ASPM: variants seen among roughly 807,000 people sequenced by gnomAD.
The protein encoded by ASPM is assembly factor for spindle microtubules.
ASPM carries 256 observed loss-of-function variants against 366.4 expected under a neutral mutation model. That is an observed-to-expected ratio of 0.70 (90% CI 0.63 to 0.77). ASPM has a LOEUF of 0.77. Ranked by LOEUF, ASPM falls within the 30% of genes least tolerant of loss-of-function variation. ASPM has a pLI of 0.00. For missense variants in ASPM, 4,146 were observed against 4,090.4 expected (o/e 1.01, Z -0.37); for synonymous variants, 1,414 against 1,342.9 (o/e 1.05, Z -1.16).
chr1:197,106,446 A>G (rs921469271), intron 17 of ASPM, among the ~76,000 whole-genome samples: 1 of 152,128 alleles, frequency 6.6e-6, no homozygotes, highest in South Asian at 2.1e-4. Context: ...AGAAATTCAG[A>G]TATTATTTTT....
Position 197,121,919 on chromosome 1 carries a change from T to C in ASPM, c.3866A>G (p.His1289Arg). Residue 1289 changes from histidine (H) to arginine (R), a missense_variant, in exon 16 of 28, where the codon CAT becomes CGT. His to Arg is a conservative substitution (Grantham distance 29). Around this residue, in one of 3 missense-constraint regions of ASPM, gnomAD observed 3,624 missense variants for 3,591.7 expected, o/e 1.01. Transcript: ENST00000367409. ...AGTTTCATATTCTAGGAGTACCTGA[T>C]GGCGTTTGAGATCTGTTTTTAGTTT... ...KYKLKTDLKR[H>R]QEREKAARII... 4 of 1,608,104 alleles carry C rather than the reference T, an allele frequency of 2.5e-6. No homozygotes were observed. Among genetic ancestry groups the C allele is most frequent in the Non-Finnish European group, 3.4e-6 (4 of 1,175,220 alleles).
At chr1:197,119,948 T>C (rs1657853158) in intron 16 of ASPM, among the ~76,000 whole-genome samples, 1 of 152,100 alleles carries the variant, frequency 6.6e-6, no homozygotes, top group African/African-American at 2.4e-5. Context: ...GTTTAGTAGC[T>C]TGCAATAACA....
intron 27 of ASPM, among the ~76,000 whole-genome samples, chr1:197,085,115 G>GTC (rs1656546852): frequency 6.6e-6 from 1 of 152,102 alleles, no homozygotes; most frequent in Non-Finnish European, 1.5e-5. Flanking sequence ...ATTAACTGTT[G>GTC]TCTCTCTCTC....
At chr1:197,131,702 G>A (rs1196408271) in intron 7 of ASPM, among the ~76,000 whole-genome samples, 2 of 152,030 alleles carry the variant, frequency 1.3e-5, no homozygotes, top group East Asian at 1.9e-4. Context: ...GGGACTACAC[G>A]CGCCCACCAT....
intron 8 of ASPM, 138 bp from the exon 9 acceptor site, chr1:197,129,455 CT>C: frequency 2.2e-6 from 2 of 889,282 alleles, no homozygotes; most frequent in Non-Finnish European, 3.5e-6. Context: ...CACTATGTGC[CT>C]TTTTTAGTGC....
rs200200720 is a variant in ASPM at position 197,100,841 on chromosome 1, C to G, written c.8410G>C (p.Ala2804Pro). 6.2e-7 allele frequency: 1 copy of G among 1,612,588 alleles called. No individual in the cohort carries two copies. The highest frequency in any genetic ancestry group is 1.3e-5 in the African/African-American group (1 of 74,900). ...TGATACTCTGCTTCCTGTGAACAAG[C>G]AAGGCCAGAAGCTTTATACCACTCT... ...IQEWYKASGL[A>P]CSQEAEYHSQ... The change falls in exon 18 of 28, where the codon GCT becomes CCT. Residue 2804 changes from alanine (A) to proline (P), a missense_variant. Physicochemically the swap from Ala to Pro is conservative, Grantham distance 27. Transcript: ENST00000367409.
intron 19 of ASPM, among the ~76,000 whole-genome samples, chr1:197,094,382 T>C (rs1351465918): frequency 2.0e-5 from 3 of 151,780 alleles, no homozygotes; most frequent in African/African-American, 7.3e-5. Flanking sequence ...AGTTTTACAA[T>C]TGGCAATATT....
intron 19 of ASPM, 34 bp from the exon 20 acceptor site, chr1:197,094,214 T>C (rs1044645523): frequency 6.8e-6 from 9 of 1,315,118 alleles, no homozygotes; most frequent in Admixed American, 1.8e-5. Context: ...AATGTCAAAT[T>C]ACTTTAACTT....
intron 9 of ASPM, 24 bp from the exon 10 acceptor site, chr1:197,128,689 A>G (rs1446929410): frequency 2.6e-6 from 4 of 1,539,772 alleles, no homozygotes; most frequent in East Asian, 2.4e-5. Context: ...AGTTCCAGAT[A>G]TTATATTCCA....
chr1:197,145,427 G>A (rs1168197995), intron 1 of ASPM, among the ~76,000 whole-genome samples: 1 of 152,018 alleles, frequency 6.6e-6, no homozygotes, highest in African/African-American at 2.4e-5. Flanking sequence ...AAATACTAAA[G>A]TGTGCATACA....
At position 197,126,413 on chromosome 1, in the gene ASPM, C is replaced by T. The variant is rs1429663032; in HGVS notation, c.2937-1222G>A. Among the ~76,000 whole-genome samples, 2 of 134,024 alleles carry T rather than the reference C, an allele frequency of 1.5e-5. 1 individual carries two copies. The highest frequency in any genetic ancestry group is 5.8e-5 in the African/African-American group (2 of 34,616). 87.9% of individuals were successfully genotyped at this position (134,024 alleles called of 152,430 possible). On this transcript the variant is annotated intron_variant, in intron 10 of 27. Transcript: ENST00000367409. ...CGAGATCGTGCCACTGCACGCCAGCCTGGGTGACAGAGTGAGACTCTGTCT... is the reference window on the plus strand; with the variant it reads ...CGAGATCGTGCCACTGCACGCCAGCTTGGGTGACAGAGTGAGACTCTGTCT...
intron 10 of ASPM, 44 bp from the exon 11 acceptor site, chr1:197,125,235 A>T: frequency 6.2e-7 from 1 of 1,604,296 alleles, no homozygotes; most frequent in South Asian, 1.1e-5. Context: ...ATAAAAACGT[A>T]TATGAAAAAA....
chr1:197,105,217 A>G lies in ASPM; in HGVS notation c.4066-32T>C, dbSNP rs143351980. ...AAGGTAAGAAAGGACACAAAGTAAA[A>G]TAGGCATAGCTTTCTATATTTAACA... On this transcript the variant is annotated intron_variant, in intron 17 of 27. Transcript: ENST00000367409. 497 of 1,506,304 alleles carry G rather than the reference A, an allele frequency of 3.3e-4. 4 individuals are homozygous for G. In the East Asian group the frequency reaches 9.4e-3, roughly 28 times the overall value. The allele number at this position is 1,506,304 out of a possible 1,614,324, so 93.3% of individuals were successfully genotyped here.
At chr1:197,127,461 G>A (rs1056208354) in intron 10 of ASPM, among the ~76,000 whole-genome samples, 4 of 152,088 alleles carry the variant, frequency 2.6e-5, no homozygotes, top group African/African-American at 9.7e-5. Context: ...AATACACAGA[G>A]AAAAAAACTT....
chr1:197,133,211 T>A (rs1440231854), intron 6 of ASPM, 139 bp downstream of exon 6: 1 of 812,354 alleles, frequency 1.2e-6, no homozygotes, highest in Non-Finnish European at 1.9e-6. Context: ...TATATACATA[T>A]ATCAACATCA....
chr1:197,101,584 G>T lies in ASPM; in HGVS notation c.7667C>A (p.Ala2556Asp). ...GTAGGTGCTTTGTATTACGATAGAAGCTTTGTGTTTTTCCCTTAAAAGTTG... is the reference window on the plus strand; with the variant it reads ...GTAGGTGCTTTGTATTACGATAGAATCTTTGTGTTTTTCCCTTAAAAGTTG... ...ARQLLREKHK[A>D]SIVIQSTYRM... Residue 2556 changes from alanine to aspartate, a missense_variant, in exon 18 of 28, where the codon GCT (alanine) becomes GAT (aspartate). This residue lies in a region of ASPM where 3,624 missense variants were observed against 3,591.7 expected (regional missense o/e 1.01). Transcript: ENST00000367409. The T allele has an allele frequency of 6.2e-7, 1 of 1,609,700 alleles. No homozygotes were observed.
Position 197,122,388 on chromosome 1 carries a change from C to A in ASPM, c.3598G>T (p.Glu1200Ter). The A allele has an allele frequency of 6.2e-7, 1 of 1,613,630 alleles. No individual in the cohort carries two copies. The highest frequency in any genetic ancestry group is 8.5e-7 in the Non-Finnish European group (1 of 1,179,684). The change falls in exon 14 of 28, where the codon GAA (glutamate) becomes TAA (stop). Residue 1200 changes from glutamate (E) to a stop codon, truncating the protein, a stop_gained and splice_region_variant. Transcript: ENST00000367409. LOFTEE classifies it high-confidence loss of function. The part of the protein sequence containing the change: ...LDMSLKAFDH[E>*]NTSELYKELL... ...GGAAAAGTAACCAAAAGGGACTAAC[C>A]ATGATCAAATGCTTTAAGAGACATA... is the stretch of plus-strand genomic sequence containing the variant.
At chr1:197,122,625 C>G in intron 13 of ASPM, 30 bp from the exon 14 acceptor site, 1 of 1,540,460 alleles carries the variant, frequency 6.5e-7, no homozygotes, top group Non-Finnish European at 8.8e-7. Context: ...AAACAATTAA[C>G]CGCATTTAGA....
rs773592526 is a variant in ASPM at position 197,142,766 on chromosome 1, T to TG, written c.1485dup (p.Thr496HisfsTer4). 1.9e-6 allele frequency: 3 copies of TG among 1,613,802 alleles called. No individual in the cohort carries two copies. The East Asian group carries it at 6.7e-5, about 36-fold the overall frequency. The stretch of plus-strand genomic sequence containing the variant: ...CAGGTGGCCTTCCTTTTAGTAACAG[T>TG]GGCAGAAAGTATTGGACGTCTCTTA... On this transcript the variant is annotated frameshift_variant, in exon 3 of 28. Transcript: ENST00000367409. LOFTEE classifies it high-confidence loss of function.
Sources: gnomAD v4.1 joint callset for allele counts (sites outside exome capture counted in the v4.1 genomes callset) on GRCh38, gnomAD v4.1.1 for gene constraint, gnomAD v4.1.1 regional missense constraint, MANE v1.5 for transcripts, NCBI Gene and HGNC (gene_info 2026-07-23, HGNC 2026-07-21) for gene names.